Variants in RXFP1 observed in about 807,000 individuals in gnomAD.
RXFP1 encodes relaxin family peptide receptor 1.
A neutral mutation model predicts 89.8 loss-of-function variants in RXFP1; 73 were observed. That is an observed-to-expected ratio of 0.81 (90% CI 0.67 to 0.99). The LOEUF (loss-of-function observed/expected upper bound fraction) is 0.99. Among genes scored for constraint, RXFP1 ranks in the 50% least tolerant of loss-of-function variants. The probability of loss-of-function intolerance (pLI) is 0.00; values close to 1 mark genes in which losing one functional copy is unlikely to be tolerated. For synonymous variants in RXFP1, 277 were observed against 305.5 expected (o/e 0.91, Z 0.97); for missense variants, 793 against 895.5 (o/e 0.89, Z 1.46).
rs929034153 is a variant in RXFP1, at chr4:158,552,179, T to C, written c.50-20519T>C. Among the ~76,000 whole-genome samples, 4 of 152,150 alleles carry C rather than the reference T, an allele frequency of 2.6e-5. No individual in the cohort carries two copies. The East Asian group carries it at 5.8e-4, about 22-fold the overall frequency. On this transcript the variant is annotated intron_variant, in intron 1 of 17. Transcript: ENST00000307765. ...AGAAGAAATACAACTGCCCTTAATT[T>C]AGGATTTTTATTTCTTGGCTGCACT...
chr4:158,575,473 A>C (rs1756000728), intron 2 of RXFP1, among the ~76,000 whole-genome samples: 1 of 152,154 alleles, frequency 6.6e-6, no homozygotes, highest in East Asian at 1.9e-4. Context: ...TCCCCCATAA[A>C]GTTTATATGT....
intron 6 of RXFP1, among the ~76,000 whole-genome samples, chr4:158,610,006 C>G (rs1044635643): frequency 4.6e-5 from 7 of 152,118 alleles, no homozygotes; most frequent in African/African-American, 1.7e-4. Context: ...GTTAAATAAT[C>G]ATTAGTCCCA....
At chr4:158,621,938 G>C (rs1268529340) in intron 9 of RXFP1, among the ~76,000 whole-genome samples, 1 of 152,218 alleles carries the variant, frequency 6.6e-6, no homozygotes, top group Non-Finnish European at 1.5e-5. Flanking sequence ...GTTGTGGCTA[G>C]AAAGGAATTC....
At chr4:158,522,801 T>C (rs1046524663) in intron 1 of RXFP1, among the ~76,000 whole-genome samples, 3 of 152,196 alleles carry the variant, frequency 2.0e-5, no homozygotes, top group Non-Finnish European at 4.4e-5. Context: ...GTATCTTTAA[T>C]ACTTTATGAT....
chr4:158,597,672 C>A (rs1760896330), intron 3 of RXFP1, among the ~76,000 whole-genome samples: 1 of 152,038 alleles, frequency 6.6e-6, no homozygotes, highest in Non-Finnish European at 1.5e-5. Context: ...ACCCTGTAAT[C>A]AACATATATG....
intron 13 of RXFP1, 70 bp from the exon 14 acceptor site, chr4:158,639,190 C>A: frequency 2.3e-6 from 2 of 885,724 alleles, no homozygotes; most frequent in East Asian, 2.5e-5. Flanking sequence ...TTGTCCTTCA[C>A]AGAAACTCAA....
rs569761680 is a variant in RXFP1, at chr4:158,601,895, A to AT, written c.392+2468dup. Among the ~76,000 whole-genome samples, 315 of 152,332 alleles carry AT rather than the reference A, an allele frequency of 2.1e-3. 1 individual carries two copies. The highest frequency in any genetic ancestry group is 7.0e-3 in the African/African-American group (293 of 41,588). ...CTTTTTTCTAGCTTGATAAACACTG[A>AT]TTTTGACTATTTGAGACTTGGCTTT... On this transcript the variant is annotated intron_variant, in intron 4 of 17. Coordinates refer to ENST00000307765, the MANE Select transcript of RXFP1 (RefSeq NM_021634.4).
chr4:158,645,187 A>G (rs1344595504), intron 15 of RXFP1, 49 bp downstream of exon 15: 5 of 1,389,772 alleles, frequency 3.6e-6, no homozygotes, highest in African/African-American at 1.4e-5. Context: ...AATATACAAA[A>G]GCTTTATTAT....
intron 1 of RXFP1, among the ~76,000 whole-genome samples, chr4:158,547,125 A>T (rs950955959): frequency 1.3e-5 from 2 of 151,826 alleles, no homozygotes; most frequent in African/African-American, 2.4e-5. Context: ...CACAATTTCA[A>T]AGTCTGTTAT....
At chr4:158,611,986 A>G in intron 6 of RXFP1, 144 bp from the exon 7 acceptor site, 1 of 634,530 alleles carries the variant, frequency 1.6e-6, no homozygotes. Flanking sequence ...AAGTGGTAGC[A>G]ATTCTTAGAG....
At chr4:158,594,118 A>G (rs1017796587) in intron 3 of RXFP1, among the ~76,000 whole-genome samples, 1 of 152,202 alleles carries the variant, frequency 6.6e-6, no homozygotes, top group African/African-American at 2.4e-5. Context: ...TGGAGCTGTC[A>G]TTTTGACCCT....
intron 2 of RXFP1, among the ~76,000 whole-genome samples, chr4:158,585,149 A>C (rs1261805310): frequency 6.6e-6 from 1 of 152,230 alleles, no homozygotes; most frequent in Non-Finnish European, 1.5e-5. Flanking sequence ...TGCAAAAGCA[A>C]ACATTTTCAA....
At chr4:158,585,826 C>G (rs939391948) in intron 2 of RXFP1, among the ~76,000 whole-genome samples, 1 of 152,002 alleles carries the variant, frequency 6.6e-6, no homozygotes, top group Non-Finnish European at 1.5e-5. Context: ...ATAATAAGAC[C>G]GTTATAAGCA....
In RXFP1 at chr4:158,639,299, G is replaced by A. The variant is rs1249396764; in HGVS notation, c.1083G>A (p.Arg361=). The A allele has an allele frequency of 1.3e-6, 2 of 1,570,556 alleles. No homozygotes were observed. The highest frequency in any genetic ancestry group is 3.3e-5 in the Admixed American group (2 of 59,902). The part of the protein sequence containing the change: ...EGIEISNIQQ[R]MFRPLMNLSH... ...TTGAAATTTCAAATATCCAACAAAG[G>A]ATGTTTAGACCTCTTATGAATCTCT... Residue 361 remains arginine (R), a synonymous_variant, in exon 14 of 18, where the codon AGG becomes AGA. Transcript: ENST00000307765.
rs769493929 is a variant in RXFP1 at position 158,646,881 on chromosome 4, G to A, written c.1436G>A (p.Trp479Ter). 6.2e-7 allele frequency: 1 copy of A among 1,614,112 alleles called. No individual in the cohort carries two copies. Among genetic ancestry groups the A allele is most frequent in the Admixed American group, 1.7e-5 (1 of 60,022 alleles). Residue 479 changes from tryptophan to a stop codon, truncating the protein, a stop_gained, in exon 16 of 18, where the codon TGG (tryptophan) becomes TAG (stop). Transcript: ENST00000307765. LOFTEE classifies it high-confidence loss of function. ...GAATACAATAAGCATGCGCAGCTGTGGATGGAGAGTACTCATTGTCAGCTT... is the reference window on the plus strand; with the variant it reads ...GAATACAATAAGCATGCGCAGCTGTAGATGGAGAGTACTCATTGTCAGCTT... ...RGEYNKHAQLWMESTHCQLVG... is the reference protein window; with the variant it reads ...RGEYNKHAQL
intron 1 of RXFP1, among the ~76,000 whole-genome samples, chr4:158,560,367 C>T (rs765191001): frequency 3.9e-5 from 6 of 152,196 alleles, no homozygotes; most frequent in Admixed American, 6.5e-5. Flanking sequence ...ACCTGAGGCT[C>T]AGATAGCATG....
chr4:158,593,158 T>C (rs990797474), intron 2 of RXFP1, among the ~76,000 whole-genome samples: 1 of 151,732 alleles, frequency 6.6e-6, no homozygotes, highest in Non-Finnish European at 1.5e-5. Flanking sequence ...CCCCAAAATG[T>C]TTTTAATCGA....
intron 2 of RXFP1, among the ~76,000 whole-genome samples, chr4:158,586,265 T>A (rs1758288523): frequency 6.6e-6 from 1 of 152,248 alleles, no homozygotes; most frequent in South Asian, 2.1e-4. Context: ...CAACAAATAT[T>A]TAGTAAGCTC....
intron 2 of RXFP1, among the ~76,000 whole-genome samples, chr4:158,579,760 T>A (rs1378962755): frequency 1.3e-5 from 2 of 152,214 alleles, no homozygotes; most frequent in Admixed American, 1.3e-4. Flanking sequence ...TAGACAGAAT[T>A]TCCAATGAGC....
Sources: gnomAD v4.1 joint callset for allele counts (sites outside exome capture counted in the v4.1 genomes callset) on GRCh38, gnomAD v4.1.1 for gene constraint, MANE v1.5 for transcripts, NCBI Gene and HGNC (gene_info 2026-07-23, HGNC 2026-07-21) for gene names.